The following HLCS variants were observed in gnomAD, a reference collection of about 807,000 sequenced individuals.
The protein encoded by HLCS is biotin--protein ligase.
HLCS carries 53 observed loss-of-function variants against 75.0 expected under a neutral mutation model. The observed-to-expected ratio is 0.71, with a 90% CI of 0.57 to 0.89. The LOEUF (loss-of-function observed/expected upper bound fraction) is 0.89, where lower values mean the gene tolerates loss of function less well. Among genes scored for constraint, HLCS ranks in the 40% least tolerant of loss-of-function variants. HLCS has a pLI of 0.00. For synonymous variants in HLCS, 431 were observed against 428.6 expected (o/e 1.01, Z -0.07); for missense variants, 966 against 1,074.0 (o/e 0.90, Z 1.41).
intron 1 of HLCS, among the ~76,000 whole-genome samples, chr21:36,964,496 G>A (rs867609461): frequency 9.8e-5 from 15 of 152,294 alleles, no homozygotes; most frequent in African/African-American, 3.1e-4. Flanking sequence ...ATAAGAAAAA[G>A]ATACGAACTA....
At chr21:36,815,964 A>G (rs1359496103) in intron 6 of HLCS, among the ~76,000 whole-genome samples, 1 of 152,174 alleles carries the variant, frequency 6.6e-6, no homozygotes, top group Non-Finnish European at 1.5e-5. Flanking sequence ...AATTGATTAC[A>G]TGGAATAGGA....
intron 8 of HLCS, among the ~76,000 whole-genome samples, chr21:36,760,772 C>T (rs948601322): frequency 1.3e-5 from 2 of 152,156 alleles, no homozygotes; most frequent in African/African-American, 4.8e-5. Flanking sequence ...TGGGGGGGCT[C>T]TCCCTGTCAT....
Position 36,765,171 on chromosome 21 carries a change from T to A in HLCS, c.1962A>T (p.Gly654=). 1 of 1,614,166 alleles carries A rather than the reference T, an allele frequency of 6.2e-7. No individual in the cohort carries two copies. Among genetic ancestry groups the A allele is most frequent in the Non-Finnish European group, 8.5e-7 (1 of 1,180,026 alleles). Residue 654 remains glycine, a splice_region_variant and synonymous_variant, in exon 8 of 11, where the codon GGA becomes GGT. Transcript: ENST00000674895. ...VIAARQTEGK[G]RGGNVWLSPV... ...GGCTCAGCCACACATTCCCTCCCCG[T>A]CCTGGAACACAGGCCACAGTGGGAA...
intron 6 of HLCS, among the ~76,000 whole-genome samples, chr21:36,819,412 C>T (rs865958669): frequency 2.0e-5 from 3 of 152,148 alleles, no homozygotes; most frequent in Admixed American, 6.5e-5. Context: ...CTGTATGAAT[C>T]GAATATTACA....
intron 6 of HLCS, among the ~76,000 whole-genome samples, chr21:36,807,215 G>C (rs1246079853): frequency 6.6e-6 from 1 of 152,104 alleles, no homozygotes; most frequent in Non-Finnish European, 1.5e-5. Flanking sequence ...GAAAACCTGA[G>C]GACAGAGACC....
intron 6 of HLCS, among the ~76,000 whole-genome samples, chr21:36,771,730 G>T (rs2060213002): frequency 6.6e-6 from 1 of 152,178 alleles, no homozygotes; most frequent in Non-Finnish European, 1.5e-5. Flanking sequence ...CGGGCGCGGT[G>T]GCTCACGCCT....
intron 6 of HLCS, among the ~76,000 whole-genome samples, chr21:36,768,319 C>G (rs2090115609): frequency 1.3e-5 from 2 of 152,314 alleles, no homozygotes; most frequent in South Asian, 4.2e-4. Context: ...AGTCTCCAGG[C>G]TTCCACAGTG....
chr21:36,864,339 G>A (rs6517389), intron 6 of HLCS, among the ~76,000 whole-genome samples: 2,669 of 152,044 alleles, frequency 0.018, 85 homozygotes, highest in African/African-American at 0.061. Context: ...GATGGAGGCT[G>A]CAGTGAGCCG....
rs1486939542 is a variant in HLCS at position 36,752,543 on chromosome 21, T to G, written c.*1703A>C. On this transcript the variant is annotated 3_prime_UTR_variant, in exon 11 of 11. Transcript: ENST00000674895. ...AGATGCCCTCTCAAGGGTAAGTCCATTTTGTAATTTGGGGATGGTGTGGAC... is the reference window on the plus strand; with the variant it reads ...AGATGCCCTCTCAAGGGTAAGTCCAGTTTGTAATTTGGGGATGGTGTGGAC... The G allele has an allele frequency of 3.3e-5, 5 of 152,612 alleles. No individual in the cohort carries two copies. The highest frequency in any genetic ancestry group is 1.2e-4 in the African/African-American group (5 of 41,450). 9.5% of individuals were successfully genotyped at this position (152,612 alleles called of 1,614,324 possible).
chr21:36,972,726 G>A (rs1001186862), intron 1 of HLCS, among the ~76,000 whole-genome samples: 3 of 152,192 alleles, frequency 2.0e-5, no homozygotes, highest in Non-Finnish European at 4.4e-5. Context: ...GTTAGAGTAT[G>A]TGGCTGTTTT....
At chr21:36,891,821 G>A (rs1252428831) in intron 6 of HLCS, among the ~76,000 whole-genome samples, 2 of 152,168 alleles carry the variant, frequency 1.3e-5, no homozygotes, top group Non-Finnish European at 2.9e-5. Flanking sequence ...CAATCTAAGT[G>A]AGCCTATGGG....
intron 6 of HLCS, among the ~76,000 whole-genome samples, chr21:36,833,520 G>A (rs555062465): frequency 3.5e-4 from 53 of 150,812 alleles, no homozygotes; most frequent in South Asian, 8.4e-4. Flanking sequence ...GGGAGGTGGA[G>A]GTTGCAGTGA....
intron 6 of HLCS, among the ~76,000 whole-genome samples, chr21:36,846,367 G>T (rs565817839): frequency 1.3e-5 from 2 of 152,058 alleles, no homozygotes; most frequent in Non-Finnish European, 2.9e-5. Context: ...AATAAATGTC[G>T]AGGTCCTCTG....
chr21:36,944,359 G>A (rs1488881877), intron 2 of HLCS, among the ~76,000 whole-genome samples: 1 of 152,136 alleles, frequency 6.6e-6, no homozygotes, highest in East Asian at 1.9e-4. Flanking sequence ...CGTGGCCCAA[G>A]TAGAAAGAAT....
chr21:36,760,393 A>T (rs542215540), intron 8 of HLCS, among the ~76,000 whole-genome samples: 1 of 152,076 alleles, frequency 6.6e-6, no homozygotes, highest in African/African-American at 2.4e-5. Context: ...GGCGGATCAC[A>T]AGGTCAGGAG....
chr21:36,962,813 A>AAAAAAAAAC, intron 1 of HLCS, among the ~76,000 whole-genome samples: 1 of 151,420 alleles, frequency 6.6e-6, no homozygotes, highest in Non-Finnish European at 1.5e-5. Flanking sequence ...AAAAAAAAAA[A>AAAAAAAAAC]AAGATGAGGA....
chr21:36,928,296 G>A (rs1010990089), intron 5 of HLCS, among the ~76,000 whole-genome samples: 4 of 152,236 alleles, frequency 2.6e-5, no homozygotes, highest in South Asian at 2.1e-4. Context: ...TTAAGAGGCC[G>A]GGAGCGCCAT....
intron 6 of HLCS, among the ~76,000 whole-genome samples, chr21:36,845,628 A>C (rs1225579795): frequency 1.3e-5 from 2 of 152,178 alleles, no homozygotes; most frequent in Non-Finnish European, 2.9e-5. Flanking sequence ...CTTGCTGCTC[A>C]AAAATTGGCC....
At chr21:36,814,331 T>C (rs2061597743) in intron 6 of HLCS, among the ~76,000 whole-genome samples, 1 of 152,188 alleles carries the variant, frequency 6.6e-6, no homozygotes, top group African/African-American at 2.4e-5. Context: ...ATACTATCAT[T>C]TTCTTCCAAC....
Sources: gnomAD v4.1 joint callset for allele counts (sites outside exome capture counted in the v4.1 genomes callset) on GRCh38, gnomAD v4.1.1 for gene constraint, MANE v1.5 for transcripts, NCBI Gene and HGNC (gene_info 2026-07-23, HGNC 2026-07-21) for gene names.